Variants in NDUFB6 observed in about 807,000 individuals in gnomAD.
NDUFB6 encodes NADH:ubiquinone oxidoreductase subunit B6, also known as NADH dehydrogenase [ubiquinone] 1 beta subcomplex subunit 6.
NDUFB6 carries 23 observed loss-of-function variants against 17.5 expected under a neutral mutation model. The observed-to-expected ratio is 1.31, with a 90% CI of 0.94 to 1.86. The LOEUF is 1.86. NDUFB6 is among the 40% of genes most tolerant of loss of function. The pLI is 0.00. For synonymous variants in NDUFB6, 60 were observed against 53.5 expected, an observed-to-expected ratio of 1.12 and a Z score of -0.53; for missense variants, 167 against 153.8, an observed-to-expected ratio of 1.09 and a Z score of -0.46.
chr9:32,561,899 G>A (rs1282416689), intron 2 of NDUFB6, among the ~76,000 whole-genome samples: 1 of 152,180 alleles, frequency 6.6e-6, no homozygotes, highest in African/African-American at 2.4e-5. Context: ...CCTGCTGTCA[G>A]AACTTTCTTC....
chr9:32,565,521 T>C (rs1212627913), intron 2 of NDUFB6: 1 of 152,230 alleles, frequency 6.6e-6, no homozygotes, highest in Admixed American at 6.5e-5. Context: ...CGTTTTAGTA[T>C]GGTGACCACA....
At chr9:32,561,757 C>A (rs1021394034) in intron 2 of NDUFB6, among the ~76,000 whole-genome samples, 11 of 152,156 alleles carry the variant, frequency 7.2e-5, no homozygotes, top group Admixed American at 5.9e-4. Context: ...ACTTAATCAA[C>A]CACCAACTTC....
At chr9:32,568,714 A>T (rs573592358) in intron 2 of NDUFB6, 1 of 147,098 alleles carries the variant, frequency 6.8e-6, no homozygotes, top group Non-Finnish European at 1.5e-5. Flanking sequence ...ATGTGTATGT[A>T]TATGTGTGTG....
At chr9:32,555,086 G>T (rs1043087817) in intron 3 of NDUFB6, among the ~76,000 whole-genome samples, 1 of 146,538 alleles carries the variant, frequency 6.8e-6, no homozygotes, top group East Asian at 1.9e-4. Context: ...GAGACTTTCT[G>T]TTCCTGACCA....
At chr9:32,562,757 A>C (rs1299695700) in intron 2 of NDUFB6, among the ~76,000 whole-genome samples, 1 of 152,232 alleles carries the variant, frequency 6.6e-6, no homozygotes, top group African/African-American at 2.4e-5. Context: ...CTGATCTAAA[A>C]AATCCATTCA....
At chr9:32,562,052 C>T (rs1821641240) in intron 2 of NDUFB6, among the ~76,000 whole-genome samples, 1 of 152,190 alleles carries the variant, frequency 6.6e-6, no homozygotes. Context: ...ACTTTCAACA[C>T]CTTCCATAAA....
chr9:32,568,748 A>ATATATATAT (rs1213123923), intron 2 of NDUFB6: 36 of 114,368 alleles, frequency 3.1e-4, no homozygotes, highest in African/African-American at 1.2e-3. Flanking sequence ...ATATATATAT[A>ATATATATAT]TTTTTTTTTT....
chr9:32,572,590 G>A (rs905104249), intron 1 of NDUFB6, among the ~76,000 whole-genome samples: 4 of 152,220 alleles, frequency 2.6e-5, no homozygotes, highest in African/African-American at 7.2e-5. Flanking sequence ...TCTGAGGGAA[G>A]ATTTCTACAG....
chr9:32,562,553 T>C (rs1001514402), intron 2 of NDUFB6, among the ~76,000 whole-genome samples: 2 of 152,244 alleles, frequency 1.3e-5, no homozygotes, highest in African/African-American at 4.8e-5. Context: ...CTTCTGTCTT[T>C]ATTCTGAAAT....
intron 2 of NDUFB6, chr9:32,567,197 AG>A (rs1351411475): frequency 4.2e-6 from 2 of 474,740 alleles, no homozygotes; most frequent in African/African-American, 2.0e-5. Context: ...AAGCTGGTCC[AG>A]GCCCCAGTCA....
At chr9:32,568,614 G>A (rs904205567) in intron 2 of NDUFB6, 56 of 173,630 alleles carry the variant, frequency 3.2e-4, no homozygotes, top group African/African-American at 1.3e-3. Context: ...AAAGTCAATC[G>A]ATGTGGCAAA....
At position 32,558,909 on chromosome 9, in the gene NDUFB6, C is replaced by A; in HGVS notation, c.318+1G>T. On this transcript the variant is annotated splice_donor_variant, in intron 3 of 3. Transcript: ENST00000379847. LOFTEE classifies it high-confidence loss of function. Reference sequence around the variant, plus strand: ...GAAAAATCAGAAGTGTTAAGACTTACAGGGAATATTCTGGACTTCTTTTCA... The same window carrying A: ...GAAAAATCAGAAGTGTTAAGACTTAAAGGGAATATTCTGGACTTCTTTTCA... 1 of 1,571,664 alleles carries A rather than the reference C, an allele frequency of 6.4e-7. No homozygotes were observed. Among genetic ancestry groups the A allele is most frequent in the Non-Finnish European group, 8.7e-7 (1 of 1,146,052 alleles).
intron 2 of NDUFB6, among the ~76,000 whole-genome samples, chr9:32,564,150 C>T (rs1821709317): frequency 6.6e-6 from 1 of 152,170 alleles, no homozygotes; most frequent in South Asian, 2.1e-4. Context: ...ATGCACACAT[C>T]CACATTTACA....
Position 32,553,012 on chromosome 9 carries a change from A to C in NDUFB6, c.*864T>G, listed in dbSNP as rs940365890. The C allele has an allele frequency of 3.2e-5, 19 of 592,988 alleles. No individual in the cohort carries two copies. Among genetic ancestry groups the C allele is most frequent in the Middle Eastern group, 3.7e-4 (1 of 2,698 alleles). 36.7% of individuals were successfully genotyped at this position (592,988 alleles called of 1,614,324 possible). A position where few individuals can be genotyped will look rare whatever the true frequency, so the allele number is the denominator to read the frequency against. ...TAAAATTCATAATGCAAAGTTCCCA[A>C]GTTTATTTTTGCATTATCCTTTATA... On this transcript the variant is annotated 3_prime_UTR_variant, in exon 4 of 4. Coordinates refer to ENST00000379847, the MANE Select transcript of NDUFB6 (RefSeq NM_002493.5).
In NDUFB6 at chr9:32,562,479, G is replaced by C. The variant is rs187682501; in HGVS notation, c.274-3525C>G. 2.0e-4 allele frequency among the ~76,000 whole-genome samples: 31 copies of C among 152,292 alleles called. No individual in the cohort carries two copies. In the East Asian group the frequency reaches 5.2e-3, roughly 26 times the overall value. On this transcript the variant is annotated intron_variant, in intron 2 of 3. Transcript: ENST00000379847. ...AAAATTTTGGTTGTTTCACTCTTCT[G>C]TCAATAGGCTAACAGAAAGCCAACA...
chr9:32,559,620 T>C (rs1161318963), intron 2 of NDUFB6, among the ~76,000 whole-genome samples: 1 of 152,162 alleles, frequency 6.6e-6, no homozygotes, highest in African/African-American at 2.4e-5. Context: ...TGAAATGCTC[T>C]TCTCCTAAAT....
intron 2 of NDUFB6, chr9:32,567,793 TC>T: frequency 3.5e-6 from 1 of 283,862 alleles, no homozygotes; most frequent in Non-Finnish European, 7.3e-6. Flanking sequence ...AACTGGCCAT[TC>T]CCCACCTCTC....
chr9:32,557,750 T>TCC (rs1821508390), intron 3 of NDUFB6, among the ~76,000 whole-genome samples: 1 of 152,124 alleles, frequency 6.6e-6, no homozygotes, highest in Non-Finnish European at 1.5e-5. Context: ...GTGCTGGGAT[T>TCC]ACACGCGTGA....
At chr9:32,559,556 T>C (rs750138560) in intron 2 of NDUFB6, among the ~76,000 whole-genome samples, 15 of 152,184 alleles carry the variant, frequency 9.9e-5, no homozygotes, top group Non-Finnish European at 1.6e-4. Flanking sequence ...AGGAGTCCAA[T>C]TCAGTCAAGC....
Sources: gnomAD v4.1 joint callset for allele counts (sites outside exome capture counted in the v4.1 genomes callset) on GRCh38, gnomAD v4.1.1 for gene constraint, MANE v1.5 for transcripts, NCBI Gene and HGNC (gene_info 2026-07-23, HGNC 2026-07-21) for gene names.